CGN: variants seen among roughly 807,000 people sequenced by gnomAD.
The protein encoded by CGN is cingulin.
A neutral mutation model predicts 157.1 loss-of-function variants in CGN; 121 were observed. That is an observed-to-expected ratio of 0.77 (90% CI 0.66 to 0.90). The LOEUF (loss-of-function observed/expected upper bound fraction) is 0.90. CGN is among the 40% of genes least tolerant of loss of function. The probability of loss-of-function intolerance (pLI) is 0.00; values close to 1 mark genes in which losing one functional copy is unlikely to be tolerated. For missense variants in CGN, 1,424 were observed against 1,520.9 expected (o/e 0.94, Z 1.06); for synonymous variants, 535 against 607.5 (o/e 0.88, Z 1.76).
upstream of CGN, among the ~76,000 whole-genome samples, chr1:151,510,276 A>C (rs1014460312): frequency 3.3e-5 from 5 of 152,212 alleles, no homozygotes; most frequent in African/African-American, 1.2e-4. Context: ...AATACACCGG[A>C]ATCTGTGCTG....
intron 4 of CGN, 52 bp from the exon 5 acceptor site, chr1:151,520,544 G>T: frequency 6.2e-7 from 1 of 1,611,528 alleles, no homozygotes; most frequent in Non-Finnish European, 8.5e-7. Flanking sequence ...GGCCTCAGGG[G>T]ATCCAGACTT....
chr1:151,523,609 A>G, intron 6 of CGN, 48 bp downstream of exon 6: 1 of 1,518,356 alleles, frequency 6.6e-7, no homozygotes, highest in East Asian at 2.3e-5. Flanking sequence ...GGCCTAGGCC[A>G]GGTTTAGAGG....
chr1:151,527,879 C>T (rs16833354), intron 10 of CGN: 3,680 of 299,024 alleles, frequency 0.012, 142 homozygotes, highest in African/African-American at 0.08. Flanking sequence ...CTGACCTGTT[C>T]TGTCAAAGTC....
chr1:151,532,452 C>T lies in CGN; in HGVS notation c.2622C>T (p.Ala874=). 1 of 1,601,918 alleles carries T rather than the reference C, an allele frequency of 6.2e-7. No individual in the cohort carries two copies. Among genetic ancestry groups the T allele is most frequent in the Non-Finnish European group, 8.5e-7 (1 of 1,176,262 alleles). ...AGCAAGCCCTGCAGCAGCTCCAGGC[C>T]CAGCTGGAGGATTATAAGGAAAAGG... ...DSKQALQQLQ[A]QLEDYKEKAR... The change falls in exon 14 of 21, where the codon GCC becomes GCT. Residue 874 remains alanine, a synonymous_variant. Coordinates refer to ENST00000271636, the MANE Select transcript of CGN (RefSeq NM_020770.3).
rs180720818 is a variant in CGN at position 151,516,356 on chromosome 1, T to G, written c.-14-2150T>G. 3.6e-3 allele frequency among the ~76,000 whole-genome samples: 547 copies of G among 152,176 alleles called. 2 individuals are homozygous for G. The highest frequency in any genetic ancestry group is 7.3e-3 in the Admixed American group (112 of 15,286). ...TAGCAGAAGGGGTGGGGAAGCTGAA[T>G]TTTTTTATTTGCTTGGAAGACAATC... On this transcript the variant is annotated intron_variant, in intron 1 of 20. Transcript: ENST00000271636.
Position 151,520,168 on chromosome 1 carries a change from C to T in CGN, c.876C>T (p.Phe292=), listed in dbSNP as rs1223304342. 7 of 1,597,620 alleles carry T rather than the reference C, an allele frequency of 4.4e-6. No individual in the cohort carries two copies. Among genetic ancestry groups the T allele is most frequent in the Non-Finnish European group, 6.0e-6 (7 of 1,170,962 alleles). ...RSAQDPTMLQ[F]KSTPDLLRDQ... Reference sequence around the variant, plus strand: ...TTCTTTTTCTTTTTTTTTAACAGTTCAAATCAACTCCAGACCTCCTTCGAG... The same window carrying T: ...TTCTTTTTCTTTTTTTTTAACAGTTTAAATCAACTCCAGACCTCCTTCGAG... Residue 292 remains phenylalanine (F), a splice_region_variant and synonymous_variant, in exon 3 of 21, where the codon TTC becomes TTT. Transcript: ENST00000271636.
rs1290780741 is a variant in CGN, at chr1:151,529,944, G to A, written c.2142G>A (p.Leu714=). The A allele has an allele frequency of 1.2e-6, 2 of 1,614,144 alleles. No individual in the cohort carries two copies. The highest frequency in any genetic ancestry group is 1.7e-6 in the Non-Finnish European group (2 of 1,180,014). The part of the protein sequence containing the change: ...KMVAEAEATV[L]GQRRAAVETT... The stretch of plus-strand genomic sequence containing the variant: ...TGGCCGAGGCAGAGGCAACAGTGCT[G>A]GGGCAGCGGCGGGCCGCAGTGGAGA... Residue 714 remains leucine, a synonymous_variant, in exon 12 of 21, where the codon CTG becomes CTA. Coordinates refer to ENST00000271636, the MANE Select transcript of CGN (RefSeq NM_020770.3).
upstream of CGN, among the ~76,000 whole-genome samples, chr1:151,511,165 G>A (rs1417244960): frequency 6.6e-6 from 1 of 152,196 alleles, no homozygotes; most frequent in Non-Finnish European, 1.5e-5. The surrounding 1 kb of genome is among the most constrained non-coding windows in gnomAD (Gnocchi z 4.8). Context: ...AATGGCCTCC[G>A]CGCCCCTCGC....
rs1484851627 is a variant in CGN, at chr1:151,530,599, G to C, written c.2424G>C (p.Gly808=). ...LEARLEEAQR[G]LARLGQEQQT... is the part of the protein sequence containing the mutation. ...CACGCCTAGAGGAGGCTCAGCGGGG[G>C]CTGGCCCGCCTGGGGCAGGAGCAGC... The change falls in exon 13 of 21, where the codon GGG becomes GGC. Residue 808 remains glycine, a synonymous_variant. Coordinates refer to ENST00000271636, the MANE Select transcript of CGN (RefSeq NM_020770.3). 3 of 1,611,584 alleles carry C rather than the reference G, an allele frequency of 1.9e-6. No individual in the cohort carries two copies. In the South Asian group the frequency reaches 3.3e-5, roughly 18 times the overall value.
intron 16 of CGN, among the ~76,000 whole-genome samples, 170 bp downstream of exon 16, chr1:151,535,301 G>A (rs1364390579): frequency 6.6e-6 from 1 of 152,098 alleles, no homozygotes; most frequent in Non-Finnish European, 1.5e-5. Flanking sequence ...AGTTTCCTTG[G>A]GTGGAAAGAA....
rs186051679 is a variant in CGN, at chr1:151,536,501, G to T, written c.3306+156G>T. Among the ~76,000 whole-genome samples, 104 of 152,294 alleles carry T rather than the reference G, an allele frequency of 6.8e-4. 1 individual carries two copies. In the East Asian group the frequency reaches 0.014, roughly 21 times the overall value. On this transcript the variant is annotated intron_variant, in intron 19 of 20. Transcript: ENST00000271636. ...ATTAGATTGAAAAGACTAGACTAGA[G>T]AAGTCATGGTAAGCGTATATATTGA...
rs1466945547 is a variant in CGN at position 151,535,698 on chromosome 1, G to A, written c.3078+15G>A. 2.5e-6 allele frequency: 4 copies of A among 1,612,752 alleles called. No individual in the cohort carries two copies. The highest frequency in any genetic ancestry group is 2.2e-5 in the South Asian group (2 of 91,054). On this transcript the variant is annotated intron_variant, in intron 17 of 20. Coordinates refer to ENST00000271636, the MANE Select transcript of CGN (RefSeq NM_020770.3). ...TGGAGAGACAGGTGATGGGGGAGGG[G>A]AGGATTCTTAGGGATGGACCCCAGG...
rs1473445214 is a variant in CGN at position 151,520,395 on chromosome 1, CTATCCTTT to C, written c.975-12_975-5del. The stretch of plus-strand genomic sequence containing the variant: ...CTCTTTCCTCCCCTAACCCTTGCTT[CTATCCTTT>C]TATCCTCTAGAAGCTCAGAAAGTGA... On this transcript the variant is annotated splice_polypyrimidine_tract_variant and intron_variant, in intron 3 of 20. Coordinates refer to ENST00000271636, the MANE Select transcript of CGN (RefSeq NM_020770.3). 6.2e-7 allele frequency: 1 copy of C among 1,611,846 alleles called. No individual in the cohort carries two copies. Among genetic ancestry groups the C allele is most frequent in the Non-Finnish European group, 8.5e-7 (1 of 1,177,888 alleles).
intron 1 of CGN, among the ~76,000 whole-genome samples, chr1:151,514,508 A>G (rs1475773184): frequency 6.6e-6 from 1 of 152,126 alleles, no homozygotes; most frequent in Non-Finnish European, 1.5e-5. Context: ...GTCCTGGGCA[A>G]ATCTCCCCAC....
intron 14 of CGN, 109 bp from the exon 15 acceptor site, chr1:151,533,865 TA>T: frequency 1.1e-6 from 1 of 943,020 alleles, no homozygotes; most frequent in Non-Finnish European, 1.6e-6. Flanking sequence ...CTGGTAATTC[TA>T]AAGAGTGACA....
Position 151,529,648 on chromosome 1 carries a change from A to G in CGN, c.2106+89A>G. ...CAGAGGGTGTGGAAAGTTACCTGTC[A>G]TGGGTATGTACTGACCAGCTCCTGG... On this transcript the variant is annotated intron_variant, in intron 11 of 20. Coordinates refer to ENST00000271636, the MANE Select transcript of CGN (RefSeq NM_020770.3). 4.1e-6 allele frequency: 5 copies of G among 1,209,466 alleles called. No homozygotes were observed. In the South Asian group the frequency reaches 7.0e-5, roughly 17 times the overall value. The allele number at this position is 1,209,466 out of a possible 1,614,324, so 74.9% of individuals were successfully genotyped here.
At position 151,537,522 on chromosome 1, in the gene CGN, A is replaced by G. The variant is rs1435383923; in HGVS notation, c.*176A>G. 1.9e-6 allele frequency: 1 copy of G among 522,214 alleles called. No individual in the cohort carries two copies. Among genetic ancestry groups the G allele is most frequent in the Non-Finnish European group, 3.3e-6 (1 of 300,098 alleles). 32.3% of individuals were successfully genotyped at this position (522,214 alleles called of 1,614,324 possible). A position where few individuals can be genotyped will look rare whatever the true frequency, so the allele number is the denominator to read the frequency against. ...AAAAAATCATCAGCAATAAGCTGAT[A>G]GATGGACTTTCCACTGTAGGAGTGG... On this transcript the variant is annotated 3_prime_UTR_variant, in exon 21 of 21. Transcript: ENST00000271636.
At chr1:151,515,685 G>C (rs11583133) in intron 1 of CGN, 96,820 of 152,038 alleles carry the variant, frequency 0.64, 34,680 homozygotes, top group Non-Finnish European at 0.83. Flanking sequence ...ATATTGCTCA[G>C]GCTGGTCTCA....
In CGN at chr1:151,520,271, G is replaced by T; in HGVS notation, c.974+5G>T. ...CTATGGCATCCTGAGGGAGGGGTGA[G>T]TGGGGGCCCCCCCAACAACAGAGGC... On this transcript the variant is annotated splice_donor_5th_base_variant and intron_variant, in intron 3 of 20. Transcript: ENST00000271636. 1.2e-6 allele frequency: 2 copies of T among 1,611,644 alleles called. No homozygotes were observed. Among genetic ancestry groups the T allele is most frequent in the Non-Finnish European group, 1.7e-6 (2 of 1,178,418 alleles).
Sources: allele counts gnomAD v4.1 joint callset (sites outside exome capture counted in the v4.1 genomes callset), GRCh38; gene constraint gnomAD v4.1.1; non-coding constraint Gnocchi (gnomAD v3.1); transcripts MANE v1.5; gene names NCBI Gene and HGNC (gene_info 2026-07-23, HGNC 2026-07-21).